EXT2: variants seen among roughly 807,000 people sequenced by gnomAD.
EXT2 encodes exostosin-2.
Under a neutral mutation model 81.6 loss-of-function variants are expected in EXT2, and 53 were observed. The ratio of observed to expected loss-of-function variants is 0.65; its 90% confidence interval spans 0.52 to 0.82. The LOEUF (loss-of-function observed/expected upper bound fraction) is 0.82, where lower values mean the gene tolerates loss of function less well. Among genes scored for constraint, EXT2 ranks in the 40% least tolerant of loss-of-function variants. The pLI, the probability that EXT2 is intolerant of heterozygous loss-of-function variation, is 0.00. For missense variants in EXT2, 774 were observed against 910.2 expected, an observed-to-expected ratio of 0.85 and a Z score of 1.93; for synonymous variants, 320 against 340.0, an observed-to-expected ratio of 0.94 and a Z score of 0.65.
At chr11:44,239,717 G>A (rs1187028213) in intron 13 of EXT2, among the ~76,000 whole-genome samples, 1 of 91,992 alleles carries the variant, frequency 1.1e-5, no homozygotes, top group Non-Finnish European at 2.1e-5. Context: ...TTTTTTTTTG[G>A]AAGACCAGAG....
intron 5 of EXT2, 139 bp from the exon 6 acceptor site, chr11:44,126,677 G>C: frequency 2.0e-6 from 2 of 978,880 alleles, no homozygotes; most frequent in Non-Finnish European, 3.3e-6. Flanking sequence ...GTGAGCTGTT[G>C]TCTTTTGGCA....
chr11:44,220,269 T>A lies in EXT2; in HGVS notation c.1663-12084T>A, dbSNP rs1204172001. Among the ~76,000 whole-genome samples, 1 of 152,212 alleles carries A rather than the reference T, an allele frequency of 6.6e-6. No individual in the cohort carries two copies. The highest frequency in any genetic ancestry group is 2.4e-5 in the African/African-American group (1 of 41,436). Reference sequence around the variant, plus strand: ...AGCTTTTAGAAAACCATAATTTTTTTAGGCCTGTTGTGTACCCTGTTCTTT... The same window carrying A: ...AGCTTTTAGAAAACCATAATTTTTTAAGGCCTGTTGTGTACCCTGTTCTTT... On this transcript the variant is annotated intron_variant, in intron 10 of 13. Transcript: ENST00000533608. This position sits in a 1 kb window ranked among gnomAD's most constrained non-coding sequence, Gnocchi z 4.4.
At position 44,126,873 on chromosome 11, in the gene EXT2, G is replaced by A. The variant is rs1182974716; in HGVS notation, c.997G>A (p.Asp333Asn). The change falls in exon 6 of 14, where the codon GAT (aspartate) becomes AAT (asparagine). Residue 333 changes from aspartate (D) to asparagine (N), a missense_variant. Transcript: ENST00000533608. ...TCGGCTGGGCCAGGCAGTATTGAGCGATGTGTTACAAGCTGGCTGTGTCCC... is the reference window on the plus strand; with the variant it reads ...TCGGCTGGGCCAGGCAGTATTGAGCAATGTGTTACAAGCTGGCTGTGTCCC... ...GARLGQAVLS[D>N]VLQAGCVPVV... is the part of the protein sequence containing the mutation. 6.8e-6 allele frequency: 11 copies of A among 1,614,056 alleles called. No individual in the cohort carries two copies. Among genetic ancestry groups the A allele is most frequent in the Admixed American group, 3.3e-5 (2 of 60,010 alleles).
chr11:44,161,759 G>T (rs116659043), intron 7 of EXT2, among the ~76,000 whole-genome samples: 1 of 152,146 alleles, frequency 6.6e-6, no homozygotes, highest in South Asian at 2.1e-4. Context: ...CAAGGTTAAC[G>T]TTACTTTTAA....
intron 13 of EXT2, among the ~76,000 whole-genome samples, chr11:44,243,879 C>T (rs1343390578): frequency 6.6e-6 from 1 of 151,958 alleles, no homozygotes; most frequent in Admixed American, 6.6e-5. Flanking sequence ...CTTTGCAGGC[C>T]CGTGGCCTCC....
At chr11:44,095,997 A>C (rs1044601491) in intron 1 of EXT2, 145 bp downstream of exon 1, 1 of 514,768 alleles carries the variant, frequency 1.9e-6, no homozygotes, top group Non-Finnish European at 3.6e-6. Context: ...GCGAGAGGCC[A>C]CCCCCAGCCC....
chr11:44,187,552 T>C (rs142017189), intron 8 of EXT2, among the ~76,000 whole-genome samples: 417 of 152,312 alleles, frequency 2.7e-3, no homozygotes, highest in Admixed American at 4.2e-3. Context: ...CATGGAAGCA[T>C]TTTGTAAGTG....
intron 7 of EXT2, 41 bp from the exon 8 acceptor site, chr11:44,171,570 G>A: frequency 6.2e-7 from 1 of 1,613,878 alleles, no homozygotes; most frequent in Non-Finnish European, 8.5e-7. Context: ...TTCCCACTCT[G>A]TCTCGCTTGC....
At chr11:44,230,788 G>A (rs926809700) in intron 10 of EXT2, among the ~76,000 whole-genome samples, 18 of 152,122 alleles carry the variant, frequency 1.2e-4, no homozygotes, top group African/African-American at 4.3e-4. Flanking sequence ...ACTAGTTTCT[G>A]ATCTAAGCCC....
At position 44,249,963 on chromosome 11, in the gene EXT2, G is replaced by A. The variant is rs559712896; in HGVS notation, c.*5676G>A. Among the ~76,000 whole-genome samples, 11 of 152,288 alleles carry A rather than the reference G, an allele frequency of 7.2e-5. No homozygotes were observed. The highest frequency in any genetic ancestry group is 3.9e-4 in the East Asian group (2 of 5,180). ...CAGGCACCTGTAGCCCCAGCTACTCGGGAGGCTGAGGCAGGAGAATGGCGT... is the reference window on the plus strand; with the variant it reads ...CAGGCACCTGTAGCCCCAGCTACTCAGGAGGCTGAGGCAGGAGAATGGCGT... On this transcript the variant is annotated 3_prime_UTR_variant, in exon 14 of 14. Coordinates refer to ENST00000533608, the MANE Select transcript of EXT2 (RefSeq NM_207122.2).
chr11:44,211,095 T>C (rs1448413745), intron 10 of EXT2, among the ~76,000 whole-genome samples: 2 of 152,204 alleles, frequency 1.3e-5, no homozygotes, highest in African/African-American at 2.4e-5. Flanking sequence ...GGTATTGGTA[T>C]AAATTTAGAT....
intron 9 of EXT2, among the ~76,000 whole-genome samples, chr11:44,206,181 A>G (rs1364301797): frequency 6.6e-6 from 1 of 152,252 alleles, no homozygotes; most frequent in Admixed American, 6.5e-5. Flanking sequence ...CATTCAATAA[A>G]ACATACTTTG....
chr11:44,157,002 G>T (rs1446941266), intron 7 of EXT2, among the ~76,000 whole-genome samples: 1 of 152,212 alleles, frequency 6.6e-6, no homozygotes, highest in Non-Finnish European at 1.5e-5. Flanking sequence ...AGCCTTGGTG[G>T]TCACGGATAA....
chr11:44,209,556 A>C (rs1955623509), intron 10 of EXT2, among the ~76,000 whole-genome samples: 2 of 152,230 alleles, frequency 1.3e-5, no homozygotes, highest in African/African-American at 4.8e-5. Flanking sequence ...CCCAAAGCCT[A>C]GTATTTTCAT....
intron 10 of EXT2, among the ~76,000 whole-genome samples, chr11:44,209,432 C>T (rs1053784626): frequency 7.2e-5 from 11 of 152,164 alleles, no homozygotes; most frequent in African/African-American, 1.7e-4. Context: ...GATTCATGAA[C>T]GAGATTGTTG....
chr11:44,216,290 G>A (rs1955718725), intron 10 of EXT2, among the ~76,000 whole-genome samples: 1 of 152,176 alleles, frequency 6.6e-6, no homozygotes. Flanking sequence ...AGATCCCTTT[G>A]GTTGTAATGA....
At chr11:44,176,082 T>G (rs1413251539) in intron 8 of EXT2, among the ~76,000 whole-genome samples, 1 of 152,190 alleles carries the variant, frequency 6.6e-6, no homozygotes, top group Non-Finnish European at 1.5e-5. Flanking sequence ...ATGTTACTAC[T>G]GTTCCAAGCA....
intron 6 of EXT2, among the ~76,000 whole-genome samples, chr11:44,127,874 A>G (rs1408330957): frequency 6.6e-6 from 1 of 152,238 alleles, no homozygotes; most frequent in Non-Finnish European, 1.5e-5. Context: ...AGACATTCCC[A>G]GTGTACAGAT....
chr11:44,189,543 T>C (rs1300471424), intron 8 of EXT2, among the ~76,000 whole-genome samples: 1 of 152,166 alleles, frequency 6.6e-6, no homozygotes, highest in African/African-American at 2.4e-5. Context: ...TGGCATGTCT[T>C]ACATAGCTGG....
Sources: gnomAD v4.1 joint callset for allele counts (sites outside exome capture counted in the v4.1 genomes callset) on GRCh38, gnomAD v4.1.1 for gene constraint, Gnocchi (gnomAD v3.1) non-coding constraint, MANE v1.5 for transcripts, NCBI Gene and HGNC (gene_info 2026-07-23, HGNC 2026-07-21) for gene names.